CEP63: variants seen among roughly 807,000 people sequenced by gnomAD.
CEP63 encodes centrosomal protein of 63 kDa.
A neutral mutation model predicts 89.1 loss-of-function variants in CEP63; 84 were observed. The ratio of observed to expected loss-of-function variants is 0.94; its 90% CI spans 0.79 to 1.13. CEP63 has a LOEUF of 1.13. CEP63 is among the 50% of genes most tolerant of loss of function. CEP63 has a pLI of 0.00. For missense variants in CEP63, 838 were observed against 813.3 expected (o/e 1.03, Z -0.37); for synonymous variants, 267 against 272.5 (o/e 0.98, Z 0.20).
upstream of CEP63, chr3:134,485,890 C>A: frequency 1.5e-6 from 1 of 687,986 alleles, no homozygotes; most frequent in Non-Finnish European, 1.8e-6. Flanking sequence ...AAGTCCGACA[C>A]TGAGCAACGA....
chr3:134,659,212 T>C, the CEP63 span, among the ~76,000 whole-genome samples: 19 of 152,332 alleles, frequency 1.2e-4, no homozygotes, highest in African/African-American at 3.8e-4. Context: ...CAGTGGCACA[T>C]GAGAGCGCAT....
At chr3:134,526,880 G>C (rs1181932931) in intron 3 of CEP63, among the ~76,000 whole-genome samples, 1 of 151,624 alleles carries the variant, frequency 6.6e-6, no homozygotes, top group African/African-American at 2.4e-5. Context: ...GGTGGCCATT[G>C]CTCAGCCCCC....
At chr3:134,607,483 G>A in the CEP63 span, 1,291 of 985,638 alleles carry the variant, frequency 1.3e-3, 27 homozygotes, top group East Asian at 0.069. Context: ...GCGGATGGAG[G>A]CCCCAGTGGC....
the CEP63 span, among the ~76,000 whole-genome samples, chr3:134,669,760 T>C: frequency 2.0e-5 from 3 of 152,200 alleles, no homozygotes; most frequent in Non-Finnish European, 2.9e-5. Context: ...AGCCAGTACA[T>C]GTTAAAAAGA....
chr3:134,763,657 C>T, the CEP63 span, among the ~76,000 whole-genome samples: 1 of 152,176 alleles, frequency 6.6e-6, no homozygotes, highest in Non-Finnish European at 1.5e-5. Context: ...GAGGAATATT[C>T]CTCCAATGCA....
chr3:134,715,518 T>G, the CEP63 span, among the ~76,000 whole-genome samples: 2 of 91,408 alleles, frequency 2.2e-5, no homozygotes, highest in South Asian at 8.1e-4. Flanking sequence ...AGGAAAGGTT[T>G]TTTTTTTTTG....
At chr3:134,610,385 T>A in the CEP63 span, 4 of 1,609,938 alleles carry the variant, frequency 2.5e-6, no homozygotes, top group Non-Finnish European at 3.4e-6. Context: ...CCGGCGAGCC[T>A]GGGGGCAGGA....
chr3:134,745,831 G>A, the CEP63 span, among the ~76,000 whole-genome samples: 112 of 151,612 alleles, frequency 7.4e-4, no homozygotes, highest in African/African-American at 1.6e-3. Context: ...CGTTTCCAGC[G>A]TCACCCATGT....
At chr3:134,546,331 A>C in intron 8 of CEP63, 43 bp downstream of exon 8, 3 of 1,522,792 alleles carry the variant, frequency 2.0e-6, no homozygotes, top group Non-Finnish European at 1.8e-6. Flanking sequence ...CCACTTAATG[A>C]CTAGGTATTA....
At chr3:134,579,569 T>C (rs965337469), downstream of CEP63, among the ~76,000 whole-genome samples, 7 of 152,248 alleles carry the variant, frequency 4.6e-5, no homozygotes, top group African/African-American at 1.7e-4. Flanking sequence ...TTATTAGCTA[T>C]TCATATGTTT....
chr3:134,603,961 A>G, the CEP63 span: 1 of 1,613,844 alleles, frequency 6.2e-7, no homozygotes, highest in South Asian at 1.1e-5. Flanking sequence ...AAAGATCTTG[A>G]GGGCAAACTT....
At chr3:134,697,191 T>A in the CEP63 span, among the ~76,000 whole-genome samples, 1 of 152,220 alleles carries the variant, frequency 6.6e-6, no homozygotes. Context: ...AGACAGGGAA[T>A]GGATTTCTTA....
chr3:134,731,991 G>A, the CEP63 span, among the ~76,000 whole-genome samples: 2 of 152,302 alleles, frequency 1.3e-5, no homozygotes, highest in African/African-American at 4.8e-5. Flanking sequence ...CAGAGAAGCT[G>A]AGCTTGTAAA....
chr3:134,589,455 A>AT (rs1299866125), downstream of CEP63, among the ~76,000 whole-genome samples: 1 of 152,196 alleles, frequency 6.6e-6, no homozygotes, highest in Non-Finnish European at 1.5e-5. Flanking sequence ...GGAACAAGAA[A>AT]ATAATACCTA....
At chr3:134,766,335 C>T in the CEP63 span, among the ~76,000 whole-genome samples, 1 of 152,322 alleles carries the variant, frequency 6.6e-6, no homozygotes, top group African/African-American at 2.4e-5. Flanking sequence ...TTTTTCTGTG[C>T]CCAGTTCTGG....
At chr3:134,523,563 G>A (rs1212662488) in intron 3 of CEP63, among the ~76,000 whole-genome samples, 1 of 152,040 alleles carries the variant, frequency 6.6e-6, no homozygotes, top group Non-Finnish European at 1.5e-5. Flanking sequence ...AGTTAATTCT[G>A]TATATAATAC....
chr3:134,574,978 T>C (rs369137644), exon 12 of CEP63: 96 of 409,028 alleles, frequency 2.3e-4, no homozygotes, highest in African/African-American at 1.7e-3. Flanking sequence ...ATCTGTACTG[T>C]TGGAATTTTC....
rs749449399 is a variant in CEP63, at chr3:134,507,161, G to C, written c.97G>C (p.Asp33His). The C allele has an allele frequency of 5.6e-6, 9 of 1,613,546 alleles. No homozygotes were observed. The highest frequency in any genetic ancestry group is 7.6e-6 in the Non-Finnish European group (9 of 1,179,796). The change falls in exon 3 of 15, where the codon GAC becomes CAC. Residue 33 changes from aspartate (D) to histidine (H), a missense_variant. By Grantham distance (81) the Asp-to-His change is moderately conservative. Coordinates refer to ENST00000675561, the MANE Select transcript of CEP63 (RefSeq NM_001353108.3). ...ACTACAGGAGCTCATGAAACAGATT[G>C]ACATAATGGTGGCTCATAAAAAATC... ...AELQELMKQI[D>H]IMVAHKKSEW...
chr3:134,753,479 C>G, the CEP63 span, among the ~76,000 whole-genome samples: 1 of 152,188 alleles, frequency 6.6e-6, no homozygotes, highest in African/African-American at 2.4e-5. Flanking sequence ...GACCCTTGGT[C>G]TCCATAGACC....
Sources: allele counts gnomAD v4.1 joint callset (sites outside exome capture counted in the v4.1 genomes callset), GRCh38; gene constraint gnomAD v4.1.1; transcripts MANE v1.5; gene names NCBI Gene and HGNC (gene_info 2026-07-23, HGNC 2026-07-21).